Variants in CADM2 observed in about 807,000 individuals in gnomAD.
CADM2 encodes cell adhesion molecule 2.
CADM2 carries 12 observed loss-of-function variants against 49.8 expected under a neutral mutation model. The ratio of observed to expected loss-of-function variants is 0.24; its 90% confidence interval spans 0.15 to 0.39. CADM2 has a LOEUF of 0.39. Ranked by LOEUF, CADM2 falls within the 10% of genes least tolerant of loss-of-function variation. The probability of loss-of-function intolerance (pLI) is 1.00; values close to 1 mark genes in which losing one functional copy is unlikely to be tolerated. For synonymous variants in CADM2, 214 were observed against 175.4 expected, an observed-to-expected ratio of 1.22 and a Z score of -1.74; for missense variants, 378 against 492.3, an observed-to-expected ratio of 0.77 and a Z score of 2.20.
At chr3:86,038,163 A>G (rs896376594) in intron 8 of CADM2, among the ~76,000 whole-genome samples, 3 of 152,232 alleles carry the variant, frequency 2.0e-5, no homozygotes, top group South Asian at 2.1e-4. Context: ...TACAAAAAAA[A>G]AGTTAGTTTT....
intron 7 of CADM2, among the ~76,000 whole-genome samples, chr3:85,959,255 G>A (rs1273862997): frequency 6.6e-6 from 1 of 151,496 alleles, no homozygotes; most frequent in African/African-American, 2.4e-5. Flanking sequence ...GAGCTTCCAT[G>A]GCCTCTCCTG....
chr3:85,979,474 G>A (rs1169444039), intron 8 of CADM2, among the ~76,000 whole-genome samples: 1 of 151,274 alleles, frequency 6.6e-6, no homozygotes, highest in African/African-American at 2.4e-5. Flanking sequence ...ATTTTTTTTA[G>A]TGTTACTTAA....
intron 1 of CADM2, among the ~76,000 whole-genome samples, chr3:85,186,439 T>C (rs1297966127): frequency 6.6e-6 from 1 of 152,182 alleles, no homozygotes; most frequent in Non-Finnish European, 1.5e-5. Context: ...TCATATTTTT[T>C]TCCTAGTAAG....
At chr3:85,779,242 A>G (rs1436221312) in intron 2 of CADM2, among the ~76,000 whole-genome samples, 2 of 152,122 alleles carry the variant, frequency 1.3e-5, no homozygotes, top group South Asian at 4.1e-4. Flanking sequence ...TCAGTAGTCA[A>G]TAAAATAAAG....
At chr3:85,348,887 T>G (rs577432735) in intron 1 of CADM2, among the ~76,000 whole-genome samples, 1 of 152,272 alleles carries the variant, frequency 6.6e-6, no homozygotes, top group African/African-American at 2.4e-5. Context: ...GAAAAATAAT[T>G]TATTTTTTCA....
At chr3:85,534,754 T>G (rs892267250) in intron 1 of CADM2, among the ~76,000 whole-genome samples, 6 of 152,196 alleles carry the variant, frequency 3.9e-5, no homozygotes, top group African/African-American at 1.4e-4. Context: ...TTCTTTTAAT[T>G]TTCATGTAAT....
intron 3 of CADM2, among the ~76,000 whole-genome samples, chr3:85,811,461 A>T (rs2108127633): frequency 6.6e-6 from 1 of 152,304 alleles, no homozygotes; most frequent in Non-Finnish European, 1.5e-5. Flanking sequence ...CTACTGTGTG[A>T]TGGGCACTGT....
At chr3:85,035,838 T>C (rs1039293117) in intron 1 of CADM2, among the ~76,000 whole-genome samples, 1 of 152,200 alleles carries the variant, frequency 6.6e-6, no homozygotes, top group African/African-American at 2.4e-5. Context: ...ACTTTTTGAG[T>C]AGTAATTACT....
At position 85,250,044 on chromosome 3, in the gene CADM2, T is replaced by C. The variant is rs190540286; in HGVS notation, c.61+290376T>C. Among the ~76,000 whole-genome samples the C allele has an allele frequency of 5.6e-3, 853 of 151,968 alleles. 8 individuals carry two copies. The highest frequency in any genetic ancestry group is 8.2e-3 in the Non-Finnish European group (559 of 67,758). Reference sequence around the variant, plus strand: ...ATATTCATCAGTATTTTGTTAATAGTGTAGGCCATTATTTCAGTTTATAAA... The same window carrying C: ...ATATTCATCAGTATTTTGTTAATAGCGTAGGCCATTATTTCAGTTTATAAA... On this transcript the variant is annotated intron_variant, in intron 1 of 9. Transcript: ENST00000383699.
rs928765586 is a variant in CADM2, at chr3:85,157,199, C to A, written c.61+197531C>A. ...TCAAGGAAATAAAAGAGGATACAAA[C>A]AAATGGAAGTACATTCCATGCTCAT... is the stretch of plus-strand genomic sequence containing the variant. On this transcript the variant is annotated intron_variant, in intron 1 of 9. Coordinates refer to ENST00000383699, the MANE Select transcript of CADM2 (RefSeq NM_001167675.2). Among the ~76,000 whole-genome samples the A allele has an allele frequency of 8.5e-5, 13 of 152,112 alleles. No homozygotes were observed. The East Asian group carries it at 2.3e-3, about 27-fold the overall frequency.
At chr3:85,906,872 CA>C (rs1178998858) in intron 5 of CADM2, among the ~76,000 whole-genome samples, 1 of 151,502 alleles carries the variant, frequency 6.6e-6, no homozygotes, top group Non-Finnish European at 1.5e-5. Context: ...CCTTAAGACA[CA>C]CACAAAAAAG....
chr3:85,561,905 A>G (rs1288728319), intron 1 of CADM2, among the ~76,000 whole-genome samples: 1 of 152,186 alleles, frequency 6.6e-6, no homozygotes, highest in Non-Finnish European at 1.5e-5. Context: ...GCACTTTTCG[A>G]TAATTAAAAA....
intron 6 of CADM2, among the ~76,000 whole-genome samples, chr3:85,933,774 A>G (rs1720877276): frequency 6.6e-6 from 1 of 152,142 alleles, no homozygotes; most frequent in Admixed American, 6.6e-5. Flanking sequence ...GAAAGACCCA[A>G]GGTTTCCATT....
intron 1 of CADM2, among the ~76,000 whole-genome samples, chr3:85,721,528 G>C (rs1228807668): frequency 6.6e-6 from 1 of 152,088 alleles, no homozygotes; most frequent in Non-Finnish European, 1.5e-5. Context: ...GTGTGAGATG[G>C]GGTCCAGACA....
At chr3:85,598,756 C>T (rs1229584729) in intron 1 of CADM2, among the ~76,000 whole-genome samples, 3 of 151,660 alleles carry the variant, frequency 2.0e-5, no homozygotes, top group African/African-American at 4.8e-5. Context: ...AATTTACATT[C>T]TAGTAATTAT....
chr3:85,244,855 A>G (rs1293114543), intron 1 of CADM2, among the ~76,000 whole-genome samples: 4 of 152,232 alleles, frequency 2.6e-5, no homozygotes, highest in Non-Finnish European at 5.9e-5. Flanking sequence ...ATCATTCTTT[A>G]CAAATCTACC....
intron 1 of CADM2, among the ~76,000 whole-genome samples, chr3:85,571,894 T>A (rs1479356178): frequency 6.6e-6 from 1 of 152,206 alleles, no homozygotes; most frequent in East Asian, 1.9e-4. Flanking sequence ...AGAAGTTTAG[T>A]CATGGTATAC....
chr3:85,246,411 G>A (rs530212102), intron 1 of CADM2, among the ~76,000 whole-genome samples: 5 of 151,942 alleles, frequency 3.3e-5, no homozygotes, highest in East Asian at 1.9e-4. Context: ...TAACCTGCAC[G>A]TCATGCACAT....
At chr3:85,109,539 G>A (rs1436401885) in intron 1 of CADM2, among the ~76,000 whole-genome samples, 3 of 151,650 alleles carry the variant, frequency 2.0e-5, no homozygotes, top group South Asian at 2.1e-4. Flanking sequence ...ATAGTGGGAT[G>A]GTATAGAAAG....
Sources: gnomAD v4.1 joint callset for allele counts (sites outside exome capture counted in the v4.1 genomes callset) on GRCh38, gnomAD v4.1.1 for gene constraint, MANE v1.5 for transcripts, NCBI Gene and HGNC (gene_info 2026-07-23, HGNC 2026-07-21) for gene names.